PTPRD: variants seen among roughly 807,000 people sequenced by gnomAD.
PTPRD encodes protein tyrosine phosphatase receptor type D.
PTPRD carries 34 observed loss-of-function variants against 214.5 expected under a neutral mutation model. The observed-to-expected ratio is 0.16, with a 90% CI of 0.12 to 0.21. The LOEUF (loss-of-function observed/expected upper bound fraction) is 0.21. Among genes scored for constraint, PTPRD ranks in the 10% least tolerant of loss-of-function variants. The pLI, the probability that PTPRD is intolerant of heterozygous loss-of-function variation, is 1.00. For synonymous variants in PTPRD, 1,128 were observed against 845.7 expected, an observed-to-expected ratio of 1.33 and a Z score of -5.79; for missense variants, 2,545 against 2,398.7, an observed-to-expected ratio of 1.06 and a Z score of -1.27.
chr9:8,929,835 A>ATATGTG (rs1567063154), intron 11 of PTPRD, among the ~76,000 whole-genome samples: 2 of 80,326 alleles, frequency 2.5e-5, no homozygotes, highest in East Asian at 3.5e-4. Context: ...ATATATGTGT[A>ATATGTG]TATATATGTG....
At chr9:10,488,457 G>A (rs2132549889) in intron 2 of PTPRD, among the ~76,000 whole-genome samples, 1 of 151,722 alleles carries the variant, frequency 6.6e-6, no homozygotes. Flanking sequence ...ATCATTCCCT[G>A]ACTATGGCCT....
At chr9:9,447,995 C>T (rs2091007957) in intron 8 of PTPRD, among the ~76,000 whole-genome samples, 1 of 151,926 alleles carries the variant, frequency 6.6e-6, no homozygotes, top group African/African-American at 2.4e-5. Flanking sequence ...GTGAAATGGG[C>T]TACTATTGAA....
rs573999275 is a variant in PTPRD, at chr9:8,978,833, A to C, written c.-104+39864T>G. Among the ~76,000 whole-genome samples, 24 of 152,240 alleles carry C rather than the reference A, an allele frequency of 1.6e-4. No homozygotes were observed. The East Asian group carries it at 4.3e-3, about 27-fold the overall frequency. ...AAAGGACCTGATTTTAGAGAAGCAAAAGCTACTATATCTTACCTGCTTCAC... is the reference window on the plus strand; with the variant it reads ...AAAGGACCTGATTTTAGAGAAGCAACAGCTACTATATCTTACCTGCTTCAC... On this transcript the variant is annotated intron_variant, in intron 11 of 45. Coordinates refer to ENST00000381196, the MANE Select transcript of PTPRD (RefSeq NM_002839.4).
At chr9:9,390,832 A>T (rs1185797420) in intron 9 of PTPRD, among the ~76,000 whole-genome samples, 1 of 152,146 alleles carries the variant, frequency 6.6e-6, no homozygotes, top group African/African-American at 2.4e-5. Context: ...TTGTTTCCTC[A>T]TCTGTGAAAT....
chr9:9,054,091 T>C (rs1192774402), intron 10 of PTPRD, among the ~76,000 whole-genome samples: 2 of 152,188 alleles, frequency 1.3e-5, no homozygotes, highest in Admixed American at 6.5e-5. Context: ...TCCTGGTCCA[T>C]GCACCAAATG....
intron 3 of PTPRD, among the ~76,000 whole-genome samples, chr9:10,308,855 GT>G (rs2096176578): frequency 6.6e-6 from 1 of 151,924 alleles, no homozygotes; most frequent in African/African-American, 2.4e-5. Context: ...GTGTTAACCG[GT>G]TTTGTCTGTC....
intron 5 of PTPRD, among the ~76,000 whole-genome samples, chr9:9,767,537 T>A (rs2098716728): frequency 6.6e-6 from 1 of 152,058 alleles, no homozygotes; most frequent in African/African-American, 2.4e-5. Context: ...GTTCAGAAAC[T>A]CATCTACCTA....
At chr9:9,418,101 A>G (rs560185559) in intron 8 of PTPRD, among the ~76,000 whole-genome samples, 15 of 152,058 alleles carry the variant, frequency 9.9e-5, no homozygotes, top group Non-Finnish European at 2.2e-4. Flanking sequence ...CATCTTTTCA[A>G]CTTCAATCCA....
At chr9:9,768,932 C>T (rs185329033) in intron 5 of PTPRD, among the ~76,000 whole-genome samples, 6 of 152,208 alleles carry the variant, frequency 3.9e-5, no homozygotes, top group African/African-American at 1.4e-4. Context: ...GGAATAGCTT[C>T]GGCATTATAA....
rs145962423 is a variant in PTPRD, at chr9:10,165,291, A to G, written c.-544-131501T>C. Among the ~76,000 whole-genome samples the G allele has an allele frequency of 3.4e-3, 516 of 151,860 alleles. 2 individuals carry two copies. The highest frequency in any genetic ancestry group is 0.012 in the African/African-American group (506 of 41,544). On this transcript the variant is annotated intron_variant, in intron 3 of 45. Coordinates refer to ENST00000381196, the MANE Select transcript of PTPRD (RefSeq NM_002839.4). Reference sequence around the variant, plus strand: ...TTTTATTTGCCAAGAGTAATTTTCAAAGCATGTGACTCATATTTTGTCCTT... The same window carrying G: ...TTTTATTTGCCAAGAGTAATTTTCAGAGCATGTGACTCATATTTTGTCCTT...
intron 5 of PTPRD, among the ~76,000 whole-genome samples, chr9:9,807,193 G>T (rs1407847425): frequency 6.6e-6 from 1 of 152,118 alleles, no homozygotes; most frequent in Non-Finnish European, 1.5e-5. Context: ...GAGGAGGCAA[G>T]AATTGAGTTG....
intron 2 of PTPRD, among the ~76,000 whole-genome samples, chr9:10,444,004 A>T (rs1187520403): frequency 1.3e-5 from 2 of 151,684 alleles, no homozygotes; most frequent in African/African-American, 4.8e-5. Flanking sequence ...TCTTTAAACC[A>T]GTTGCCCAAC....
In PTPRD at chr9:9,963,780, T is replaced by C. The variant is rs569600750; in HGVS notation, c.-471-25170A>G. Among the ~76,000 whole-genome samples the C allele has an allele frequency of 3.9e-5, 6 of 152,280 alleles. No homozygotes were observed. The South Asian group carries it at 1.2e-3, about 32-fold the overall frequency. ...GAAGAGATGAACTTATGGCTTCAATTTAGTTCCTGAAGGGTACCATGCACT... is the reference window on the plus strand; with the variant it reads ...GAAGAGATGAACTTATGGCTTCAATCTAGTTCCTGAAGGGTACCATGCACT... On this transcript the variant is annotated intron_variant, in intron 4 of 45. Coordinates refer to ENST00000381196, the MANE Select transcript of PTPRD (RefSeq NM_002839.4).
At chr9:9,673,662 T>C (rs983530823) in intron 7 of PTPRD, among the ~76,000 whole-genome samples, 9 of 150,922 alleles carry the variant, frequency 6.0e-5, no homozygotes, top group Admixed American at 5.9e-4. Context: ...TCTGTATCAA[T>C]GAAAATTAAA....
intron 5 of PTPRD, among the ~76,000 whole-genome samples, chr9:9,923,959 C>A (rs2083411043): frequency 6.6e-6 from 1 of 151,798 alleles, no homozygotes; most frequent in South Asian, 2.1e-4. Context: ...GGAGTGAAAT[C>A]TAAACATATG....
intron 8 of PTPRD, among the ~76,000 whole-genome samples, chr9:9,481,246 G>C (rs1487165833): frequency 1.3e-5 from 2 of 152,090 alleles, no homozygotes; most frequent in African/African-American, 2.4e-5. Context: ...GACTTGGTGA[G>C]GTAGAAGCTG....
chr9:10,605,979 T>C (rs7852763), intron 2 of PTPRD, among the ~76,000 whole-genome samples: 59,498 of 151,546 alleles, frequency 0.39, 11,870 homozygotes, highest in Middle Eastern at 0.45. Context: ...CCTCTGCAAG[T>C]AGTTTGAAAA....
chr9:8,812,298 A>G (rs530226827), intron 11 of PTPRD, among the ~76,000 whole-genome samples: 1 of 152,248 alleles, frequency 6.6e-6, no homozygotes, highest in Non-Finnish European at 1.5e-5. Flanking sequence ...GTATACATAT[A>G]TATTTTAAAG....
Position 8,855,167 on chromosome 9 carries a change from G to C in PTPRD, c.-103-121221C>G, listed in dbSNP as rs537492333. Among the ~76,000 whole-genome samples, 4 of 151,032 alleles carry C rather than the reference G, an allele frequency of 2.6e-5. No homozygotes were observed. In the East Asian group the frequency reaches 7.8e-4, roughly 29 times the overall value. On this transcript the variant is annotated intron_variant, in intron 11 of 45. Transcript: ENST00000381196. ...TTTAATGTCTCTCTAGGAAGGGTTT[G>C]CATATGCCATACCAGGATACCTCCT... is the stretch of plus-strand genomic sequence containing the variant.
Sources: allele counts gnomAD v4.1 joint callset (sites outside exome capture counted in the v4.1 genomes callset), GRCh38; gene constraint gnomAD v4.1.1; transcripts MANE v1.5; gene names NCBI Gene and HGNC (gene_info 2026-07-23, HGNC 2026-07-21).